EXD3: variants seen among roughly 807,000 people sequenced by gnomAD.
The protein encoded by EXD3 is exonuclease 3'-5' domain containing 3.
EXD3 carries 92 observed loss-of-function variants against 98.0 expected under a neutral mutation model. The ratio of observed to expected loss-of-function variants is 0.94; its 90% CI spans 0.79 to 1.12. The LOEUF is 1.12. Among genes scored for constraint, EXD3 ranks in the 50% most tolerant of loss-of-function variants. The pLI is 0.00. For synonymous variants in EXD3, 569 were observed against 526.0 expected (o/e 1.08, Z -1.12); for missense variants, 1,222 against 1,191.6 (o/e 1.03, Z -0.38).
intron 7 of EXD3, among the ~76,000 whole-genome samples, chr9:137,359,336 T>C (rs28615575): frequency 0.32 from 26,063 of 82,628 alleles, 10,538 homozygotes; most frequent in Non-Finnish European, 0.39. Flanking sequence ...ATGCCAATCA[T>C]GGGTGCAAAT....
Position 137,351,346 on chromosome 9 carries a change from G to C in EXD3, c.1356C>G (p.Leu452=). ...GCTTGGTGATAGAGGGGTCCGAGAG[G>C]AGCTGGGCCACCAGCCGGGAAAAGG... ...AQAFSRLVAQ[L]LSDPSITKLG... is the part of the protein sequence containing the mutation. Residue 452 remains leucine, a synonymous_variant, in exon 13 of 22, where the codon CTC becomes CTG. Coordinates refer to ENST00000340951, the MANE Select transcript of EXD3 (RefSeq NM_017820.5). 2 of 1,611,958 alleles carry C rather than the reference G, an allele frequency of 1.2e-6. No homozygotes were observed. Among genetic ancestry groups the C allele is most frequent in the Non-Finnish European group, 1.7e-6 (2 of 1,179,614 alleles).
At chr9:137,366,290 G>C (rs1350013781) in intron 7 of EXD3, 1 of 740,116 alleles carries the variant, frequency 1.4e-6, no homozygotes, top group Non-Finnish European at 2.4e-6. Context: ...CTCGGGAGAA[G>C]AGGGCTGTGC....
At chr9:137,358,789 A>C (rs1227257551) in intron 7 of EXD3, among the ~76,000 whole-genome samples, 1 of 150,490 alleles carries the variant, frequency 6.6e-6, no homozygotes, top group Non-Finnish European at 1.5e-5. Context: ...CCTGGCCTCA[A>C]GTGACCCTCC....
At chr9:137,400,315 T>C (rs1278980558) in intron 1 of EXD3, among the ~76,000 whole-genome samples, 1 of 152,104 alleles carries the variant, frequency 6.6e-6, no homozygotes, top group African/African-American at 2.4e-5. Flanking sequence ...TTCCCAACAG[T>C]CCCTCAAAGT....
At chr9:137,310,440 G>T (rs1186418329) in intron 19 of EXD3, among the ~76,000 whole-genome samples, 1 of 152,170 alleles carries the variant, frequency 6.6e-6, no homozygotes, top group African/African-American at 2.4e-5. Flanking sequence ...TATTGCCCAG[G>T]CTGGTCTTGA....
intron 19 of EXD3, among the ~76,000 whole-genome samples, chr9:137,320,940 C>T (rs543172686): frequency 2.6e-5 from 4 of 152,334 alleles, no homozygotes; most frequent in African/African-American, 4.8e-5. Context: ...AGGCAGCGGA[C>T]GCGGTTCCTG....
intron 17 of EXD3, among the ~76,000 whole-genome samples, chr9:137,342,932 C>A (rs1158131697): frequency 6.6e-6 from 1 of 152,142 alleles, no homozygotes. Context: ...CCATCCCGGC[C>A]AACATGGTGA....
At chr9:137,322,117 G>A (rs1165885242) in intron 19 of EXD3, among the ~76,000 whole-genome samples, 1 of 152,188 alleles carries the variant, frequency 6.6e-6, no homozygotes, top group Non-Finnish European at 1.5e-5. Context: ...CTGTTGCCCA[G>A]ACCTTGTTAG....
intron 10 of EXD3, chr9:137,353,567 T>G: frequency 1.5e-5 from 15 of 985,506 alleles, no homozygotes; most frequent in Non-Finnish European, 1.8e-5. Context: ...CTGAGAAACC[T>G]CATCCTCACC....
chr9:137,355,700 A>G (rs1315895661), intron 8 of EXD3, among the ~76,000 whole-genome samples: 2 of 70,442 alleles, frequency 2.8e-5, no homozygotes, highest in Non-Finnish European at 6.6e-5. Flanking sequence ...AAAGGGAGGA[A>G]GGAGGAAGGA....
chr9:137,352,933 CAT>C, intron 10 of EXD3, 147 bp from the exon 11 acceptor site: 1 of 1,429,164 alleles, frequency 7.0e-7, no homozygotes, highest in Non-Finnish European at 9.1e-7. Flanking sequence ...AGGCCTGCAG[CAT>C]CTGTCCTGCC....
intron 8 of EXD3, among the ~76,000 whole-genome samples, chr9:137,355,854 G>A (rs954554390): frequency 4.6e-5 from 7 of 152,160 alleles, no homozygotes; most frequent in African/African-American, 1.7e-4. Flanking sequence ...GGCCCTTGCA[G>A]GGGGTCCTGG....
At position 137,393,282 on chromosome 9, in the gene EXD3, A is replaced by C. The variant is rs1396176862; in HGVS notation, c.55+2021T>G. ...TGTGCTGAGGCGAACCCAGGGTCCC[A>C]TGCGCTCCCCGGCCCTGACGGCGGT... On this transcript the variant is annotated intron_variant, in intron 2 of 21. Transcript: ENST00000340951. This position sits in a 1 kb window ranked among gnomAD's most constrained non-coding sequence, Gnocchi z 4.6. The C allele has an allele frequency of 1.4e-6, 1 of 700,806 alleles. No individual in the cohort carries two copies. Among genetic ancestry groups the C allele is most frequent in the South Asian group, 1.5e-5 (1 of 67,558 alleles). 43.4% of individuals were successfully genotyped at this position (700,806 alleles called of 1,614,324 possible).
intron 7 of EXD3, among the ~76,000 whole-genome samples, chr9:137,364,950 A>G (rs1247235472): frequency 1.3e-5 from 2 of 151,510 alleles, no homozygotes; most frequent in African/African-American, 2.4e-5. Context: ...TTGTATTTTT[A>G]GTAGAAACGG....
intron 3 of EXD3, among the ~76,000 whole-genome samples, chr9:137,380,005 T>A (rs1836146831): frequency 6.6e-6 from 1 of 151,486 alleles, no homozygotes; most frequent in South Asian, 2.1e-4. Context: ...AGCCCGTTGT[T>A]CCGGGAGACT....
Position 137,323,957 on chromosome 9 carries a change from C to T in EXD3, c.2053-101G>A, listed in dbSNP as rs1832240145. On this transcript the variant is annotated intron_variant, in intron 18 of 21. Transcript: ENST00000340951. ...GCATGGGGCAGGAGCCTTCTCTCGG[C>T]CCACCAGGGGTACGGCAGAGGCGCT... 20 of 1,527,580 alleles carry T rather than the reference C, an allele frequency of 1.3e-5. No homozygotes were observed. In the East Asian group the frequency reaches 4.9e-4, roughly 37 times the overall value. The allele number at this position is 1,527,580 out of a possible 1,614,324, so 94.6% of individuals were successfully genotyped here.
intron 2 of EXD3, among the ~76,000 whole-genome samples, chr9:137,388,138 T>G (rs1040490626): frequency 6.6e-6 from 1 of 152,142 alleles, no homozygotes; most frequent in Non-Finnish European, 1.5e-5. Context: ...AGAGCTGGGC[T>G]GCTTCTCTCT....
rs140252797 is a variant in EXD3, at chr9:137,418,761, G to A, written c.-48+4353C>T. Among the ~76,000 whole-genome samples the A allele has an allele frequency of 5.5e-3, 824 of 150,940 alleles. 8 individuals are homozygous for A. Among genetic ancestry groups the A allele is most frequent in the South Asian group, 9.5e-3 (46 of 4,820 alleles). On this transcript the variant is annotated intron_variant, in intron 1 of 21. Transcript: ENST00000340951. ...ATTGTAAAATATTTTTATCTTCTGA[G>A]TAAACAGAAAAAAAAAAAGGGGAAA...
intron 7 of EXD3, among the ~76,000 whole-genome samples, chr9:137,363,621 G>A (rs1835092384): frequency 6.6e-6 from 1 of 152,042 alleles, no homozygotes; most frequent in East Asian, 1.9e-4. Flanking sequence ...TTACAGGTGT[G>A]AGCCACTGCA....
Sources: gnomAD v4.1 joint callset for allele counts (sites outside exome capture counted in the v4.1 genomes callset) on GRCh38, gnomAD v4.1.1 for gene constraint, Gnocchi (gnomAD v3.1) non-coding constraint, MANE v1.5 for transcripts, NCBI Gene and HGNC (gene_info 2026-07-23, HGNC 2026-07-21) for gene names.